The following NR3C1 variants were observed in gnomAD, a reference collection of about 807,000 sequenced individuals.
NR3C1 encodes the protein glucocorticoid receptor.
In NR3C1, 14 loss-of-function variants were observed where a neutral mutation model predicts 74.0. That is an observed-to-expected ratio of 0.19 (90% CI 0.12 to 0.30). The LOEUF is 0.30. NR3C1 is among the 10% of genes least tolerant of loss of function. The pLI is 1.00. For missense variants in NR3C1, 695 were observed against 909.8 expected (o/e 0.76, Z 3.04); for synonymous variants, 308 against 332.5 (o/e 0.93, Z 0.80).
intron 2 of NR3C1, among the ~76,000 whole-genome samples, chr5:143,372,171 T>A (rs940183771): frequency 6.6e-6 from 1 of 152,252 alleles, no homozygotes; most frequent in Non-Finnish European, 1.5e-5. Flanking sequence ...ATTCTTATCA[T>A]AGATCTTAGC....
At chr5:143,397,682 T>C (rs920067348) in intron 2 of NR3C1, among the ~76,000 whole-genome samples, 1 of 151,926 alleles carries the variant, frequency 6.6e-6, no homozygotes, top group Non-Finnish European at 1.5e-5. Flanking sequence ...AATAATTTCA[T>C]TTGATATTAA....
At chr5:143,370,321 C>A (rs1315762256) in intron 2 of NR3C1, among the ~76,000 whole-genome samples, 1 of 152,160 alleles carries the variant, frequency 6.6e-6, no homozygotes, top group African/African-American at 2.4e-5. Context: ...GTACCCCTTG[C>A]ATACACTCCA....
chr5:143,371,227 C>T (rs1404096283), intron 2 of NR3C1, among the ~76,000 whole-genome samples: 1 of 151,986 alleles, frequency 6.6e-6, no homozygotes, highest in Admixed American at 6.6e-5. Context: ...TTAGTAATAC[C>T]ATAATTACCA....
chr5:143,282,528 C>A (rs1562690216), intron 8 of NR3C1, 40 bp downstream of exon 8: 1 of 1,611,466 alleles, frequency 6.2e-7, no homozygotes, highest in African/African-American at 1.3e-5. Context: ...ATACTTTGTC[C>A]CAGAAAACTC....
chr5:143,329,212 C>T (rs1261736682), intron 2 of NR3C1, among the ~76,000 whole-genome samples: 1 of 152,134 alleles, frequency 6.6e-6, no homozygotes, highest in African/African-American at 2.4e-5. Flanking sequence ...TACATGGTGG[C>T]AGGAGAGAGA....
intron 4 of NR3C1, among the ~76,000 whole-genome samples, chr5:143,304,871 C>T (rs1819247584): frequency 6.6e-6 from 1 of 152,036 alleles, no homozygotes; most frequent in Non-Finnish European, 1.5e-5. Flanking sequence ...AAACTGGACC[C>T]CTACCTACTG....
intron 7 of NR3C1, 94 bp downstream of exon 7, chr5:143,295,366 T>TATA: frequency 6.6e-7 from 1 of 1,513,972 alleles, no homozygotes; most frequent in Non-Finnish European, 8.8e-7. Flanking sequence ...GTAGACTTGG[T>TATA]ATAATTATTA....
Position 143,400,411 on chromosome 5 carries a change from T to C in NR3C1, c.429A>G (p.Ala143=). The C allele has an allele frequency of 1.2e-6, 2 of 1,614,212 alleles. No homozygotes were observed. ...TGGGGGCAGCAGACACAGCAGTGGA[T>C]GCTGAACTCTTGGGGTTCTCTGGAA... The part of the protein sequence containing the change: ...TSVPENPKSS[A]STAVSAAPTE... Residue 143 remains alanine (A), a synonymous_variant, in exon 2 of 9, where the codon GCA becomes GCG. Coordinates refer to ENST00000394464, the MANE Select transcript of NR3C1 (RefSeq NM_000176.3).
At chr5:143,374,022 T>G (rs1402291542) in intron 2 of NR3C1, among the ~76,000 whole-genome samples, 1 of 152,212 alleles carries the variant, frequency 6.6e-6, no homozygotes, top group Non-Finnish European at 1.5e-5. Context: ...ACTGTCTTAT[T>G]TTGCCATTTT....
At chr5:143,339,598 G>C (rs189370794) in intron 2 of NR3C1, among the ~76,000 whole-genome samples, 36 of 152,240 alleles carry the variant, frequency 2.4e-4, no homozygotes, top group Non-Finnish European at 4.1e-4. Flanking sequence ...ATAAGTAATA[G>C]GTTTGAGGGA....
At chr5:143,435,229 C>T in exon 1 of NR3C1, 2 of 985,522 alleles carry the variant, frequency 2.0e-6, no homozygotes, top group Non-Finnish European at 2.4e-6. Flanking sequence ...ATTCCTTCCC[C>T]ACTCATGCCC....
At chr5:143,390,892 G>C (rs1035751214) in intron 2 of NR3C1, among the ~76,000 whole-genome samples, 2 of 152,058 alleles carry the variant, frequency 1.3e-5, no homozygotes. Context: ...CATTTTCTTT[G>C]AGCAAGAACA....
intron 7 of NR3C1, chr5:143,294,948 CTT>C: frequency 1.0e-6 from 1 of 985,362 alleles, no homozygotes; most frequent in Non-Finnish European, 1.2e-6. Flanking sequence ...TTTATAAACT[CTT>C]GTTGCCATTT....
At chr5:143,386,286 A>G (rs1837205420) in intron 2 of NR3C1, among the ~76,000 whole-genome samples, 1 of 152,246 alleles carries the variant, frequency 6.6e-6, no homozygotes, top group Non-Finnish European at 1.5e-5. Context: ...GTGGGGATAC[A>G]GAGCCAAACC....
upstream of NR3C1, chr5:143,404,087 A>C: frequency 2.0e-6 from 2 of 984,882 alleles, no homozygotes; most frequent in Non-Finnish European, 2.4e-6. Context: ...CTCCAGACCC[A>C]CTCGGGAGCT....
chr5:143,404,274 G>A (rs1021093293), upstream of NR3C1: 11 of 985,602 alleles, frequency 1.1e-5, no homozygotes, highest in African/African-American at 1.6e-4. Context: ...CACGGAAACG[G>A]TGCCGCAGCG....
intron 2 of NR3C1, among the ~76,000 whole-genome samples, chr5:143,392,581 T>G (rs1348746119): frequency 6.6e-6 from 1 of 152,076 alleles, no homozygotes; most frequent in East Asian, 1.9e-4. Context: ...TTAAGGTAAA[T>G]AACAGCTGCC....
intron 2 of NR3C1, among the ~76,000 whole-genome samples, chr5:143,376,580 T>A (rs768838965): frequency 2.6e-5 from 4 of 152,222 alleles, no homozygotes; most frequent in African/African-American, 4.8e-5. Context: ...TTATCAGGGT[T>A]CCAGCTTGCA....
At chr5:143,382,785 G>A (rs902509398) in intron 2 of NR3C1, among the ~76,000 whole-genome samples, 14 of 152,194 alleles carry the variant, frequency 9.2e-5, no homozygotes, top group African/African-American at 2.2e-4. Flanking sequence ...ATACTTCTTC[G>A]TGGTTTGTGT....
Sources: gnomAD v4.1 joint callset for allele counts (sites outside exome capture counted in the v4.1 genomes callset) on GRCh38, gnomAD v4.1.1 for gene constraint, MANE v1.5 for transcripts, NCBI Gene and HGNC (gene_info 2026-07-23, HGNC 2026-07-21) for gene names.